MCPH1: variants seen among roughly 807,000 people sequenced by gnomAD.
MCPH1 encodes microcephalin 1, also known as microcephalin.
MCPH1 carries 104 observed loss-of-function variants against 84.5 expected under a neutral mutation model. The ratio of observed to expected loss-of-function variants is 1.23; its 90% CI spans 1.05 to 1.45. The LOEUF is 1.45. MCPH1 is among the 40% of genes most tolerant of loss of function. The pLI is 0.00. For synonymous variants in MCPH1, 514 were observed against 366.8 expected (o/e 1.40, Z -4.58); for missense variants, 1,498 against 1,005.7 (o/e 1.49, Z -6.62).
At chr8:6,454,806 T>C (rs1470555462) in intron 8 of MCPH1, among the ~76,000 whole-genome samples, 3 of 152,236 alleles carry the variant, frequency 2.0e-5, no homozygotes, top group African/African-American at 7.2e-5. Context: ...TCTGAAGAGC[T>C]GTTCTTTGTC....
chr8:6,567,029 G>A (rs61131320), intron 12 of MCPH1, among the ~76,000 whole-genome samples: 11,060 of 135,714 alleles, frequency 0.081, 1,036 homozygotes, highest in African/African-American at 0.12. Context: ...CACGCGGTGC[G>A]GTGACCATGT....
intron 12 of MCPH1, among the ~76,000 whole-genome samples, chr8:6,605,076 C>T (rs1409337955): frequency 6.6e-6 from 1 of 152,170 alleles, no homozygotes; most frequent in Non-Finnish European, 1.5e-5. Flanking sequence ...TGTCGCCTGA[C>T]CTCTCCCTGT....
intron 3 of MCPH1, among the ~76,000 whole-genome samples, chr8:6,418,302 G>GCC (rs1799612976): frequency 6.6e-6 from 1 of 152,090 alleles, no homozygotes; most frequent in Non-Finnish European, 1.5e-5. Context: ...AAGTGGTGAT[G>GCC]CCCAGATTCT....
intron 12 of MCPH1, among the ~76,000 whole-genome samples, chr8:6,554,074 C>T (rs1180401757): frequency 6.7e-6 from 1 of 150,188 alleles, no homozygotes; most frequent in Non-Finnish European, 1.5e-5. Flanking sequence ...AATGTATTTC[C>T]TGAAATACTG....
Position 6,643,466 on chromosome 8 carries a change from TG to T in MCPH1, c.*418del, listed in dbSNP as rs1798061898. The T allele has an allele frequency of 4.1e-6, 1 of 242,930 alleles. No homozygotes were observed. The highest frequency in any genetic ancestry group is 5.2e-5 in the Admixed American group (1 of 19,292). 15.0% of individuals were successfully genotyped at this position (242,930 alleles called of 1,614,324 possible). ...TTTTAGTAGAGACAGGGTTTCGCCA[TG>T]TTGGCCAGGCTGGTCTCAAACGCCT... On this transcript the variant is annotated 3_prime_UTR_variant, in exon 14 of 14. Transcript: ENST00000344683.
At chr8:6,470,700 T>C (rs1807605815) in intron 9 of MCPH1, among the ~76,000 whole-genome samples, 1 of 152,262 alleles carries the variant, frequency 6.6e-6, no homozygotes, top group Admixed American at 6.5e-5. Flanking sequence ...ACACATAAAC[T>C]TCTGGGCCTC....
intron 3 of MCPH1, among the ~76,000 whole-genome samples, chr8:6,420,350 T>C (rs1799989543): frequency 6.6e-6 from 1 of 152,128 alleles, no homozygotes; most frequent in African/African-American, 2.4e-5. Flanking sequence ...TGTACTACTT[T>C]TTATGGAGTC....
chr8:6,477,265 C>G (rs964227615), intron 9 of MCPH1: 6 of 293,070 alleles, frequency 2.0e-5, no homozygotes, highest in African/African-American at 4.5e-5. Context: ...CCTTCTTACC[C>G]TTTCTCACTT....
intron 9 of MCPH1, among the ~76,000 whole-genome samples, chr8:6,467,387 G>A (rs771876237): frequency 3.3e-4 from 50 of 151,988 alleles, no homozygotes; most frequent in Non-Finnish European, 6.0e-4. Context: ...AAGTATATTT[G>A]CTATTTATTT....
chr8:6,490,710 A>G (rs964160384), intron 11 of MCPH1, among the ~76,000 whole-genome samples: 1 of 152,212 alleles, frequency 6.6e-6, no homozygotes, highest in Non-Finnish European at 1.5e-5. Context: ...TCCAAATGAA[A>G]TGAATTTCAT....
chr8:6,506,272 T>C (rs1044369071), intron 12 of MCPH1, among the ~76,000 whole-genome samples: 1 of 152,046 alleles, frequency 6.6e-6, no homozygotes, highest in Non-Finnish European at 1.5e-5. Flanking sequence ...CCATGCAAAA[T>C]GGAGCTGCTC....
chr8:6,519,801 C>T, intron 12 of MCPH1: 1 of 1,575,382 alleles, frequency 6.3e-7, no homozygotes, highest in Non-Finnish European at 8.7e-7. Flanking sequence ...CTCTCTGGTT[C>T]CTCACTCACT....
intron 3 of MCPH1, among the ~76,000 whole-genome samples, chr8:6,415,857 G>A (rs913576624): frequency 1.3e-5 from 2 of 152,090 alleles, no homozygotes; most frequent in Non-Finnish European, 2.9e-5. Context: ...AACAAAAAAG[G>A]CAGCTGGGAT....
chr8:6,491,708 G>C (rs1810614286), intron 11 of MCPH1, among the ~76,000 whole-genome samples: 1 of 151,804 alleles, frequency 6.6e-6, no homozygotes, highest in Admixed American at 6.6e-5. Context: ...TCCCACCTAT[G>C]AGTGAGAACA....
intron 12 of MCPH1, among the ~76,000 whole-genome samples, chr8:6,610,143 G>C (rs181993314): frequency 2.0e-5 from 3 of 152,222 alleles, no homozygotes; most frequent in East Asian, 1.9e-4. Context: ...ACATCCTCTT[G>C]TCTCCATTGT....
At chr8:6,466,521 A>G (rs1585933767) in intron 9 of MCPH1, among the ~76,000 whole-genome samples, 1 of 152,238 alleles carries the variant, frequency 6.6e-6, no homozygotes, top group South Asian at 2.1e-4. Context: ...ATTAGCCAGG[A>G]TGGTCTCACT....
At chr8:6,626,907 T>C (rs1480735508) in intron 13 of MCPH1, 2 of 985,156 alleles carry the variant, frequency 2.0e-6, no homozygotes, top group African/African-American at 1.7e-5. Context: ...CCTTTTATTG[T>C]CTGGGCTCCA....
intron 8 of MCPH1, 46 bp from the exon 9 acceptor site, chr8:6,455,097 G>A (rs549239717): frequency 1.4e-6 from 2 of 1,410,630 alleles, no homozygotes; most frequent in Non-Finnish European, 2.0e-6. Context: ...AGTTGTATTT[G>A]GTCCATGTAA....
rs3045054 is a variant in MCPH1, at chr8:6,505,175, A to AATATATATATATATATATTCTTATGT, written c.2214+5262_2214+5263insATTCTTATGTATATATATATATATAT. ...TCTTAATAAAAACTCTATGCCAAAG[A>AATATATATATATATATATTCTTATGT]ATATATATATATATATTCTTATGTA... On this transcript the variant is annotated intron_variant, in intron 12 of 13. Transcript: ENST00000344683. 6.3e-5 allele frequency among the ~76,000 whole-genome samples: 6 copies of AATATATATATATATATATTCTTATGT among 95,786 alleles called. 1 individual carries two copies. Among genetic ancestry groups the AATATATATATATATATATTCTTATGT allele is most frequent in the Non-Finnish European group, 1.2e-4 (6 of 48,518 alleles). The allele number at this position is 95,786 out of a possible 152,430, so 62.8% of individuals were successfully genotyped here.
Sources: allele counts gnomAD v4.1 joint callset (sites outside exome capture counted in the v4.1 genomes callset), GRCh38; gene constraint gnomAD v4.1.1; transcripts MANE v1.5; gene names NCBI Gene and HGNC (gene_info 2026-07-23, HGNC 2026-07-21).